The following CCDC91 variants were observed in gnomAD, a reference collection of about 807,000 sequenced individuals.
The protein encoded by CCDC91 is coiled-coil domain-containing protein 91.
CCDC91 carries 48 observed loss-of-function variants against 63.2 expected under a neutral mutation model. The ratio of observed to expected loss-of-function variants is 0.76; its 90% CI spans 0.60 to 0.97. The LOEUF is 0.97. Ranked by LOEUF, CCDC91 falls within the 50% of genes least tolerant of loss-of-function variation. The probability of loss-of-function intolerance (pLI) is 0.00; values close to 1 mark genes in which losing one functional copy is unlikely to be tolerated. For synonymous variants in CCDC91, 167 were observed against 165.8 expected (o/e 1.01, Z -0.06); for missense variants, 500 against 494.6 (o/e 1.01, Z -0.10).
chr12:28,331,082 C>T (rs150989085), intron 6 of CCDC91, among the ~76,000 whole-genome samples: 84 of 152,192 alleles, frequency 5.5e-4, no homozygotes, highest in Non-Finnish European at 1.1e-3. Flanking sequence ...AAGACAAAGG[C>T]ATCTGTTAAA....
At chr12:28,260,054 T>G (rs1377768851) in intron 3 of CCDC91, among the ~76,000 whole-genome samples, 2 of 152,004 alleles carry the variant, frequency 1.3e-5, no homozygotes, top group Admixed American at 6.6e-5. Flanking sequence ...GTTACAGTTA[T>G]TTATTGTAAA....
intron 8 of CCDC91, among the ~76,000 whole-genome samples, chr12:28,399,598 C>A (rs1231562464): frequency 2.0e-5 from 3 of 152,216 alleles, no homozygotes; most frequent in Non-Finnish European, 4.4e-5. Flanking sequence ...CAAGGCAGAT[C>A]CCTTCTGCCT....
At chr12:28,212,454 C>G (rs1191506140) in intron 1 of CCDC91, among the ~76,000 whole-genome samples, 1 of 152,170 alleles carries the variant, frequency 6.6e-6, no homozygotes, top group African/African-American at 2.4e-5. Context: ...GAATGCTCAG[C>G]AGTGTATGAA....
chr12:28,494,912 C>T (rs1325481875), intron 12 of CCDC91, among the ~76,000 whole-genome samples: 1 of 151,734 alleles, frequency 6.6e-6, no homozygotes, highest in Non-Finnish European at 1.5e-5. Flanking sequence ...CCAATGTCTA[C>T]TGCATACTCT....
chr12:28,213,263 C>G lies in CCDC91; in HGVS notation c.-15+22622C>G, dbSNP rs78412660. Among the ~76,000 whole-genome samples the G allele has an allele frequency of 2.1e-3, 313 of 152,288 alleles. 2 individuals are homozygous for G. Among genetic ancestry groups the G allele is most frequent in the African/African-American group, 7.1e-3 (294 of 41,546 alleles). On this transcript the variant is annotated intron_variant, in intron 1 of 12. Transcript: ENST00000536442. The stretch of plus-strand genomic sequence containing the variant: ...GACAATTCTCAAGACCTCTCCCCAC[C>G]GACTCCTCTTTGTTTCTAGACCTAT...
intron 11 of CCDC91, among the ~76,000 whole-genome samples, chr12:28,477,871 A>AAGAGAAGCAATTC (rs1197959017): frequency 6.6e-6 from 1 of 152,156 alleles, no homozygotes; most frequent in Non-Finnish European, 1.5e-5. Context: ...CAATTGCTTC[A>AAGAGAAGCAATTC]AAGAGAATAA....
intron 7 of CCDC91, among the ~76,000 whole-genome samples, chr12:28,390,694 G>A (rs561065731): frequency 2.0e-5 from 3 of 151,864 alleles, no homozygotes; most frequent in East Asian, 1.9e-4. Context: ...CTTTTTATGC[G>A]TACTGCCTTG....
intron 7 of CCDC91, among the ~76,000 whole-genome samples, chr12:28,387,639 GT>G (rs1219839039): frequency 6.6e-6 from 1 of 152,102 alleles, no homozygotes; most frequent in Non-Finnish European, 1.5e-5. Flanking sequence ...AACATGTGAT[GT>G]TTGGTTTTCC....
rs374184905 is a variant in CCDC91 at position 28,468,224 on chromosome 12, A to G, written c.1101+15570A>G. On this transcript the variant is annotated intron_variant, in intron 11 of 12. Transcript: ENST00000536442. ...AAGAAACAAAGAGATGATCCAAATAAAATCAGAGATGAAAAAGGAGACACT... is the reference window on the plus strand; with the variant it reads ...AAGAAACAAAGAGATGATCCAAATAGAATCAGAGATGAAAAAGGAGACACT... Among the ~76,000 whole-genome samples, 33 of 151,804 alleles carry G rather than the reference A, an allele frequency of 2.2e-4. No individual in the cohort carries two copies. In the East Asian group the frequency reaches 2.9e-3, roughly 13 times the overall value.
At chr12:28,271,829 T>C (rs1947784726) in intron 3 of CCDC91, among the ~76,000 whole-genome samples, 1 of 150,618 alleles carries the variant, frequency 6.6e-6, no homozygotes, top group Non-Finnish European at 1.5e-5. Flanking sequence ...TTGTGTAGCA[T>C]TTTAAATGTG....
chr12:28,468,518 AT>A (rs1463696051), intron 11 of CCDC91, among the ~76,000 whole-genome samples: 1 of 152,014 alleles, frequency 6.6e-6, no homozygotes, highest in Non-Finnish European at 1.5e-5. Context: ...AAACATTTAA[AT>A]CAGAACTAAT....
intron 8 of CCDC91, among the ~76,000 whole-genome samples, chr12:28,401,692 G>A (rs1946631090): frequency 6.6e-6 from 1 of 151,994 alleles, no homozygotes; most frequent in Non-Finnish European, 1.5e-5. Flanking sequence ...TGACACACAG[G>A]GCTTATTACA....
At chr12:28,313,477 A>G (rs1939527233) in intron 6 of CCDC91, among the ~76,000 whole-genome samples, 1 of 152,006 alleles carries the variant, frequency 6.6e-6, no homozygotes, top group African/African-American at 2.4e-5. Flanking sequence ...CTACTCCTCT[A>G]CTTAGGCCAG....
At chr12:28,318,820 C>A (rs1940181606) in intron 6 of CCDC91, among the ~76,000 whole-genome samples, 1 of 151,976 alleles carries the variant, frequency 6.6e-6, no homozygotes, top group South Asian at 2.1e-4. Context: ...TTTTCAAAAT[C>A]TACAAACTAA....
At chr12:28,468,027 C>A (rs940570687) in intron 11 of CCDC91, among the ~76,000 whole-genome samples, 1 of 151,676 alleles carries the variant, frequency 6.6e-6, no homozygotes, top group Non-Finnish European at 1.5e-5. Context: ...TGCATCTTAA[C>A]TAGAAAAGGG....
chr12:28,333,490 T>C (rs752558781), intron 6 of CCDC91, among the ~76,000 whole-genome samples: 3 of 152,164 alleles, frequency 2.0e-5, no homozygotes, highest in Non-Finnish European at 4.4e-5. Flanking sequence ...AGGATATTTA[T>C]TTTTGGGTTA....
At chr12:28,364,281 G>A (rs1438622340) in intron 7 of CCDC91, among the ~76,000 whole-genome samples, 1 of 152,038 alleles carries the variant, frequency 6.6e-6, no homozygotes, top group Non-Finnish European at 1.5e-5. Context: ...AGCTACTTGG[G>A]GGAGGCTGAG....
intron 12 of CCDC91, among the ~76,000 whole-genome samples, chr12:28,525,308 T>C (rs2141516068): frequency 6.6e-6 from 1 of 152,260 alleles, no homozygotes; most frequent in African/African-American, 2.4e-5. Flanking sequence ...GTCACTATTG[T>C]CATTCAGTTC....
At chr12:28,430,196 A>G (rs1192755095) in intron 8 of CCDC91, among the ~76,000 whole-genome samples, 1 of 152,090 alleles carries the variant, frequency 6.6e-6, no homozygotes, top group African/African-American at 2.4e-5. Context: ...TATGATTTTT[A>G]TAAAGGTCAA....
Sources: allele counts gnomAD v4.1 joint callset (sites outside exome capture counted in the v4.1 genomes callset), GRCh38; gene constraint gnomAD v4.1.1; transcripts MANE v1.5; gene names NCBI Gene and HGNC (gene_info 2026-07-23, HGNC 2026-07-21).